TAMM41: variants seen among roughly 807,000 people sequenced by gnomAD.
The protein encoded by TAMM41 is phosphatidate cytidylyltransferase, mitochondrial.
Under a neutral mutation model 44.1 loss-of-function variants are expected in TAMM41, and 36 were observed. That is an observed-to-expected ratio of 0.82 (90% CI 0.63 to 1.08). TAMM41 has a LOEUF of 1.08. TAMM41 is among the 50% of genes least tolerant of loss of function. The pLI, the probability that TAMM41 is intolerant of heterozygous loss-of-function variation, is 0.00. For synonymous variants in TAMM41, 164 were observed against 153.1 expected, an observed-to-expected ratio of 1.07 and a Z score of -0.53; for missense variants, 417 against 404.3, an observed-to-expected ratio of 1.03 and a Z score of -0.27.
the TAMM41 span, among the ~76,000 whole-genome samples, chr3:11,729,968 G>A: frequency 6.6e-6 from 1 of 152,158 alleles, no homozygotes; most frequent in South Asian, 2.1e-4. Flanking sequence ...GAGAGGGTAG[G>A]ACATTTGCAC....
intron 7 of TAMM41, among the ~76,000 whole-genome samples, chr3:11,799,041 T>A (rs1301563358): frequency 6.6e-6 from 1 of 151,884 alleles, no homozygotes; most frequent in African/African-American, 2.4e-5. Flanking sequence ...ATAGTGGGAC[T>A]CCATCTCTAC....
the TAMM41 span, among the ~76,000 whole-genome samples, chr3:11,724,416 T>G: frequency 8.4e-5 from 8 of 95,212 alleles, no homozygotes; most frequent in Admixed American, 8.1e-4. Flanking sequence ...TTTTTATTTT[T>G]ATTTTTATTT....
the TAMM41 span, among the ~76,000 whole-genome samples, chr3:11,739,880 G>A: frequency 6.6e-6 from 1 of 151,980 alleles, no homozygotes; most frequent in Non-Finnish European, 1.5e-5. Context: ...GCAGTCTCAG[G>A]GGCAAGACTG....
the TAMM41 span, among the ~76,000 whole-genome samples, chr3:11,763,039 A>AC: frequency 6.8e-6 from 1 of 147,776 alleles, no homozygotes; most frequent in Non-Finnish European, 1.5e-5. Flanking sequence ...ACTCTGTCTC[A>AC]AAAAAAATAA....
chr3:11,742,834 G>A, the TAMM41 span, among the ~76,000 whole-genome samples: 1 of 151,800 alleles, frequency 6.6e-6, no homozygotes, highest in Admixed American at 6.6e-5. Context: ...GGACTCAAGC[G>A]ATCTTCCTGC....
At chr3:11,782,774 G>A in the TAMM41 span, among the ~76,000 whole-genome samples, 4 of 152,306 alleles carry the variant, frequency 2.6e-5, no homozygotes, top group Non-Finnish European at 4.4e-5. Context: ...CCACACGGTT[G>A]GAGTTTGGGG....
Position 11,790,471 on chromosome 3 carries a change from C to G in TAMM41, c.*34G>C. On this transcript the variant is annotated 3_prime_UTR_variant, in exon 8 of 8. Transcript: ENST00000455809. ...GTCAAAAAGGATCAAACACTTTATT[C>G]ATCTACACATAACATATATAAAAGC... 2 of 1,550,632 alleles carry G rather than the reference C, an allele frequency of 1.3e-6. No individual in the cohort carries two copies. The highest frequency in any genetic ancestry group is 1.8e-6 in the Non-Finnish European group (2 of 1,123,800).
At chr3:11,786,316 A>ATTATTATTTTTT (rs1553564672), downstream of TAMM41, among the ~76,000 whole-genome samples, 3 of 134,698 alleles carry the variant, frequency 2.2e-5, no homozygotes, top group Non-Finnish European at 4.8e-5. Context: ...TATTATTATT[A>ATTATTATTTTTT]TTTTTTGAGA....
At chr3:11,807,147 A>T in intron 7 of TAMM41, 1 of 1,234,432 alleles carries the variant, frequency 8.1e-7, no homozygotes, top group Non-Finnish European at 1.0e-6. Context: ...TAAATGGGGG[A>T]CCCCCTAGAG....
intron 6 of TAMM41, 141 bp downstream of exon 6, chr3:11,809,376 A>G: frequency 1.0e-6 from 1 of 976,116 alleles, no homozygotes; most frequent in East Asian, 2.7e-5. Flanking sequence ...AAAACCCTCA[A>G]ATTTTTAGTG....
chr3:11,726,486 A>C, the TAMM41 span, among the ~76,000 whole-genome samples: 3 of 152,314 alleles, frequency 2.0e-5, no homozygotes, highest in East Asian at 5.8e-4. Context: ...TTATTAATGT[A>C]TGCTATGGGC....
the TAMM41 span, among the ~76,000 whole-genome samples, chr3:11,755,399 G>A: frequency 1.3e-5 from 2 of 152,188 alleles, no homozygotes; most frequent in African/African-American, 4.8e-5. Flanking sequence ...AGGGATTGAG[G>A]AAGGCCTGTT....
At chr3:11,747,040 G>T in the TAMM41 span, among the ~76,000 whole-genome samples, 1 of 152,132 alleles carries the variant, frequency 6.6e-6, no homozygotes, top group Non-Finnish European at 1.5e-5. Context: ...GCTTAGGAGA[G>T]AAAGACTACA....
the TAMM41 span, among the ~76,000 whole-genome samples, chr3:11,742,464 CCA>C: frequency 2.0e-5 from 3 of 150,462 alleles, 1 homozygote; most frequent in East Asian, 1.9e-4. Flanking sequence ...GATGGAAGAA[CCA>C]CAGTTTGTTT....
At chr3:11,749,804 T>C in the TAMM41 span, among the ~76,000 whole-genome samples, 1 of 152,186 alleles carries the variant, frequency 6.6e-6, no homozygotes, top group African/African-American at 2.4e-5. Context: ...CTTTGGTTAG[T>C]GAGACCCACT....
rs73130874 is a variant in TAMM41 at position 11,792,208 on chromosome 3, C to T, written c.938-1627G>A. Among the ~76,000 whole-genome samples the T allele has an allele frequency of 4.9e-3, 743 of 151,716 alleles. 4 individuals are homozygous for T. Among genetic ancestry groups the T allele is most frequent in the Middle Eastern group, 0.037 (11 of 294 alleles). ...TTTGTTGCTGCTAGTGGACAGAAAT[C>T]TCCCTTGACTAAAACATTCTCCCTT... On this transcript the variant is annotated intron_variant, in intron 7 of 7. Coordinates refer to ENST00000455809, the MANE Select transcript of TAMM41 (RefSeq NM_001284401.2).
chr3:11,767,626 A>ATTTTTTTCTTTTTTTT, the TAMM41 span, among the ~76,000 whole-genome samples: 1 of 60,692 alleles, frequency 1.6e-5, no homozygotes, highest in African/African-American at 7.5e-5. Flanking sequence ...CACGTTGTGC[A>ATTTTTTTCTTTTTTTT]TTTTTTTTTT....
intron 7 of TAMM41, among the ~76,000 whole-genome samples, chr3:11,793,997 C>T (rs1252521221): frequency 6.6e-6 from 1 of 152,132 alleles, no homozygotes; most frequent in African/African-American, 2.4e-5. Flanking sequence ...TTTGGTCACA[C>T]ATAGAACAAA....
chr3:11,784,450 G>A, the TAMM41 span, among the ~76,000 whole-genome samples: 10 of 152,140 alleles, frequency 6.6e-5, no homozygotes, highest in East Asian at 1.9e-4. Context: ...AGCCAAGATC[G>A]TGCCACTGCA....
Sources: allele counts gnomAD v4.1 joint callset (sites outside exome capture counted in the v4.1 genomes callset), GRCh38; gene constraint gnomAD v4.1.1; transcripts MANE v1.5; gene names NCBI Gene and HGNC (gene_info 2026-07-23, HGNC 2026-07-21).